EYS: variants seen among roughly 807,000 people sequenced by gnomAD.
EYS encodes protein eyes shut homolog.
A neutral mutation model predicts 282.1 loss-of-function variants in EYS; 250 were observed. That is an observed-to-expected ratio of 0.89 (90% CI 0.80 to 0.98). The LOEUF (loss-of-function observed/expected upper bound fraction) is 0.98, where lower values mean the gene tolerates loss of function less well. Ranked by LOEUF, EYS falls within the 50% of genes least tolerant of loss-of-function variation. The pLI, the probability that EYS is intolerant of heterozygous loss-of-function variation, is 0.00. For missense variants in EYS, 4,016 were observed against 3,709.0 expected, an observed-to-expected ratio of 1.08 and a Z score of -2.15; for synonymous variants, 1,355 against 1,282.9, an observed-to-expected ratio of 1.06 and a Z score of -1.20.
At chr6:64,092,829 A>ATGCCTATGTCCTGAATGGTAT (rs1772421802) in intron 31 of EYS, among the ~76,000 whole-genome samples, 1 of 151,630 alleles carries the variant, frequency 6.6e-6, no homozygotes. Context: ...GTCCTTGCCC[A>ATGCCTATGTCCTGAATGGTAT]TGCCTATGTC....
At chr6:65,451,856 A>T (rs539407999) in intron 5 of EYS, among the ~76,000 whole-genome samples, 77 of 152,014 alleles carry the variant, frequency 5.1e-4, no homozygotes, top group African/African-American at 1.9e-3. Flanking sequence ...AAAGTGTCTA[A>T]TTTTTTAAAA....
intron 12 of EYS, among the ~76,000 whole-genome samples, chr6:65,135,434 C>A (rs539598019): frequency 1.3e-5 from 2 of 151,660 alleles, no homozygotes; most frequent in African/African-American, 2.4e-5. Context: ...AGATAGAAGA[C>A]CTGTAGTTTA....
intron 13 of EYS, among the ~76,000 whole-genome samples, chr6:65,039,222 C>T (rs556980511): frequency 7.3e-5 from 11 of 151,344 alleles, no homozygotes; most frequent in Middle Eastern, 3.4e-3. Context: ...TCATTTTTTC[C>T]GTATGAATAT....
At chr6:64,343,445 T>A (rs1411455509) in intron 29 of EYS, among the ~76,000 whole-genome samples, 2 of 152,088 alleles carry the variant, frequency 1.3e-5, no homozygotes, top group East Asian at 3.9e-4. Context: ...AACAACCTGC[T>A]CCTGAATGAC....
intron 22 of EYS, among the ~76,000 whole-genome samples, chr6:64,663,991 C>T (rs1325278661): frequency 6.6e-6 from 1 of 152,200 alleles, no homozygotes; most frequent in Non-Finnish European, 1.5e-5. Flanking sequence ...TCAGGAGTGG[C>T]ATTAGGCGCC....
intron 28 of EYS, among the ~76,000 whole-genome samples, chr6:64,404,797 A>C (rs1773654924): frequency 6.6e-6 from 1 of 152,156 alleles, no homozygotes; most frequent in Non-Finnish European, 1.5e-5. Context: ...ATTAGGTAAG[A>C]GTGTGCCAGG....
intron 2 of EYS, among the ~76,000 whole-genome samples, chr6:65,542,853 T>A (rs1768221618): frequency 2.0e-5 from 3 of 152,162 alleles, no homozygotes; most frequent in Admixed American, 2.0e-4. Context: ...TTCAAATATA[T>A]TTCTACACAA....
intron 41 of EYS, 127 bp downstream of exon 41, chr6:63,762,334 A>G: frequency 1.2e-6 from 1 of 860,606 alleles, no homozygotes; most frequent in Non-Finnish European, 1.8e-6. Flanking sequence ...ATATACTAGA[A>G]AAAGAGGACA....
At chr6:65,172,261 C>T (rs1765122538) in intron 12 of EYS, among the ~76,000 whole-genome samples, 1 of 151,450 alleles carries the variant, frequency 6.6e-6, no homozygotes, top group Non-Finnish European at 1.5e-5. Flanking sequence ...AAATCTTTGT[C>T]TAGCCTTAGC....
intron 36 of EYS, among the ~76,000 whole-genome samples, chr6:63,819,217 T>C (rs1771259384): frequency 6.6e-6 from 1 of 152,222 alleles, no homozygotes; most frequent in Non-Finnish European, 1.5e-5. Context: ...TCTCTGTGCC[T>C]ATTGTGATCA....
chr6:65,026,294 T>A (rs1206418537), intron 13 of EYS, among the ~76,000 whole-genome samples: 1 of 152,200 alleles, frequency 6.6e-6, no homozygotes, highest in Non-Finnish European at 1.5e-5. Flanking sequence ...ACTGTAGACA[T>A]TCTCCAGAAA....
chr6:63,948,274 T>G (rs1025490461), intron 35 of EYS, among the ~76,000 whole-genome samples: 1 of 152,218 alleles, frequency 6.6e-6, no homozygotes, highest in Non-Finnish European at 1.5e-5. Context: ...ATGCCTTTTT[T>G]CTCCCTCTTC....
intron 11 of EYS, among the ~76,000 whole-genome samples, chr6:65,307,723 T>C (rs1221896744): frequency 7.1e-6 from 1 of 140,020 alleles, no homozygotes; most frequent in East Asian, 2.3e-4. Flanking sequence ...GTACCCATCA[T>C]CACCACTCTT....
intron 29 of EYS, among the ~76,000 whole-genome samples, chr6:64,332,759 G>A (rs1770694263): frequency 2.0e-5 from 3 of 152,318 alleles, no homozygotes; most frequent in Admixed American, 2.0e-4. Flanking sequence ...CACACAACTG[G>A]AAGCTGACTA....
intron 29 of EYS, among the ~76,000 whole-genome samples, chr6:64,344,037 C>T (rs1005642253): frequency 1.3e-5 from 2 of 152,086 alleles, no homozygotes; most frequent in African/African-American, 4.8e-5. Context: ...AGACCAATAA[C>T]AGGCTCTGAA....
At chr6:64,538,327 T>A (rs544601395) in intron 26 of EYS, among the ~76,000 whole-genome samples, 2 of 152,340 alleles carry the variant, frequency 1.3e-5, no homozygotes, top group African/African-American at 4.8e-5. Context: ...TATTGATAAC[T>A]AAAGTTGAAT....
intron 26 of EYS, among the ~76,000 whole-genome samples, chr6:64,444,733 A>C (rs1775064255): frequency 6.6e-6 from 1 of 152,182 alleles, no homozygotes; most frequent in Admixed American, 6.5e-5. Context: ...GTTGGAGCCA[A>C]GTGGAAGGTG....
chr6:64,950,835 TG>T (rs1769479493), intron 14 of EYS, among the ~76,000 whole-genome samples: 4 of 50,166 alleles, frequency 8.0e-5, no homozygotes, highest in Admixed American at 2.5e-4. Flanking sequence ...ATATATATAT[TG>T]TTGAATTGTT....
intron 2 of EYS, among the ~76,000 whole-genome samples, chr6:65,511,468 C>T (rs1766865447): frequency 6.6e-6 from 1 of 152,010 alleles, no homozygotes; most frequent in African/African-American, 2.4e-5. Flanking sequence ...TGCTTCATCT[C>T]CCATCTACAT....
Sources: allele counts gnomAD v4.1 joint callset (sites outside exome capture counted in the v4.1 genomes callset), GRCh38; gene constraint gnomAD v4.1.1; transcripts MANE v1.5; gene names NCBI Gene and HGNC (gene_info 2026-07-23, HGNC 2026-07-21).